LRPPRC: variants seen among roughly 807,000 people sequenced by gnomAD.
LRPPRC encodes leucine rich pentatricopeptide repeat containing.
LRPPRC carries 120 observed loss-of-function variants against 180.3 expected under a neutral mutation model. The observed-to-expected ratio is 0.67, with a 90% confidence interval of 0.57 to 0.77. The LOEUF (loss-of-function observed/expected upper bound fraction) is 0.77, where lower values mean the gene tolerates loss of function less well. Among genes scored for constraint, LRPPRC ranks in the 30% least tolerant of loss-of-function variants. The pLI is 0.00. For synonymous variants in LRPPRC, 723 were observed against 600.0 expected (o/e 1.21, Z -3.00); for missense variants, 2,012 against 1,657.2 (o/e 1.21, Z -3.72).
At chr2:43,937,023 A>G (rs1672301711) in intron 23 of LRPPRC, among the ~76,000 whole-genome samples, 1 of 152,162 alleles carries the variant, frequency 6.6e-6, no homozygotes, top group South Asian at 2.1e-4. Flanking sequence ...TTTAAGTGGC[A>G]TGATTTGCTT....
chr2:43,951,829 CTTTATTTA>C (rs72104348), intron 14 of LRPPRC, among the ~76,000 whole-genome samples: 18 of 151,802 alleles, frequency 1.2e-4, no homozygotes, highest in African/African-American at 3.9e-4. Flanking sequence ...GCTGGGCTTC[CTTTATTTA>C]TTTATTTTTA....
chr2:43,894,583 T>C lies in LRPPRC; in HGVS notation c.3947A>G (p.Glu1316Gly). The change falls in exon 36 of 38, where the codon GAA becomes GGA. Residue 1316 changes from glutamate (E) to glycine (G), a missense_variant. Glu to Gly is a moderately conservative substitution (Grantham distance 98, BLOSUM62 -2). Transcript: ENST00000260665. The stretch of plus-strand genomic sequence containing the variant: ...GAGGGAATTGTATGCTTCTTCCTTT[T>C]CATTTAATTCAGGAATCAATTCTAA... ...SVLELIPELN[E>G]KEEAYNSLMK... 6.4e-7 allele frequency: 1 copy of C among 1,573,220 alleles called. No homozygotes were observed. The highest frequency in any genetic ancestry group is 8.7e-7 in the Non-Finnish European group (1 of 1,143,054).
chr2:43,981,946 C>T (rs554722409), intron 2 of LRPPRC, among the ~76,000 whole-genome samples: 67 of 152,100 alleles, frequency 4.4e-4, no homozygotes, highest in African/African-American at 1.5e-3. Context: ...CTCTCTCTGT[C>T]GCCCAGGCTG....
intron 15 of LRPPRC, 147 bp from the exon 16 acceptor site, chr2:43,949,806 AAGG>A: frequency 1.5e-6 from 1 of 678,134 alleles, no homozygotes; most frequent in Non-Finnish European, 2.7e-6. Context: ...CCCACCCGCC[AAGG>A]AGATTGTTTT....
chr2:43,955,908 AAG>A (rs911917943), intron 14 of LRPPRC, among the ~76,000 whole-genome samples: 166 of 152,290 alleles, frequency 1.1e-3, no homozygotes, highest in African/African-American at 3.8e-3. Flanking sequence ...GGGCCTCTGC[AAG>A]AGAGATGTGC....
intron 1 of LRPPRC, among the ~76,000 whole-genome samples, chr2:43,984,685 G>A (rs528793283): frequency 8.5e-5 from 13 of 152,068 alleles, no homozygotes; most frequent in Non-Finnish European, 1.3e-4. Context: ...TGGGTATGTC[G>A]TCACAGAAAA....
chr2:43,955,435 C>A (rs569654177), intron 14 of LRPPRC, among the ~76,000 whole-genome samples: 2 of 144,916 alleles, frequency 1.4e-5, no homozygotes, highest in Non-Finnish European at 3.0e-5. Context: ...TACCACTGCA[C>A]TGCAGCCTGG....
chr2:43,996,028 G>A (rs1051423217), upstream of LRPPRC: 2 of 1,440,952 alleles, frequency 1.4e-6, no homozygotes, highest in Non-Finnish European at 1.9e-6. Context: ...GCCTGGCGCG[G>A]CAGAGACCAA....
chr2:43,929,536 T>G (rs1411862229), intron 25 of LRPPRC, among the ~76,000 whole-genome samples: 15 of 152,194 alleles, frequency 9.9e-5, no homozygotes. Context: ...TTTCAGTATT[T>G]CTAGGCTATG....
intron 21 of LRPPRC, 93 bp from the exon 22 acceptor site, chr2:43,945,510 C>G (rs969505641): frequency 3.7e-5 from 29 of 781,098 alleles, no homozygotes; most frequent in Non-Finnish European, 5.9e-5. Context: ...AAAAGCTCAT[C>G]AGAAGACCTG....
intron 1 of LRPPRC, among the ~76,000 whole-genome samples, chr2:43,991,508 C>T (rs1377650503): frequency 6.6e-6 from 1 of 152,152 alleles, no homozygotes; most frequent in Non-Finnish European, 1.5e-5. Context: ...GAGCTCAAAG[C>T]TTATCTTTCC....
Position 43,974,290 on chromosome 2 carries a change from T to A in LRPPRC, c.1015A>T (p.Met339Leu). ...GTGACTAAAAGTAAAATGAGGTTCA[T>A]TGCATCTGGGAAGAAAACAAAGACA... ...TCERRYIPDA[M>L]NLILLLVTEK... is the part of the protein sequence containing the mutation. Residue 339 changes from methionine (M) to leucine (L), a missense_variant, in exon 9 of 38, where the codon ATG (methionine) becomes TTG (leucine). Physicochemically the swap from Met to Leu is conservative, Grantham distance 15. Transcript: ENST00000260665. 6.2e-7 allele frequency: 1 copy of A among 1,610,714 alleles called. No individual in the cohort carries two copies. The highest frequency in any genetic ancestry group is 1.3e-5 in the African/African-American group (1 of 75,030).
At chr2:43,986,268 T>A (rs1674522526) in intron 1 of LRPPRC, among the ~76,000 whole-genome samples, 1 of 152,176 alleles carries the variant, frequency 6.6e-6, no homozygotes, top group African/African-American at 2.4e-5. Flanking sequence ...TAGCTGGGAT[T>A]ACAGGCACAC....
At chr2:43,960,427 C>T (rs1338877575) in intron 13 of LRPPRC, 114 bp downstream of exon 13, 1 of 734,826 alleles carries the variant, frequency 1.4e-6, no homozygotes. Flanking sequence ...ATCAGTCTGG[C>T]TTTAACAAAA....
rs762622072 is a variant in LRPPRC, at chr2:43,899,278, C to G, written c.3766G>C (p.Asp1256His). ...GCATCCACAAGTTGAAGGAAAAAAT[C>G]AGTGACAGGTTTATAAATTGCAAAC... ...NQFAIYKPVT[D>H]FFLQLVDAGK... Residue 1256 changes from aspartate to histidine, a missense_variant, in exon 34 of 38, where the codon GAT becomes CAT. Transcript: ENST00000260665. 6.2e-7 allele frequency: 1 copy of G among 1,614,162 alleles called. No homozygotes were observed. Among genetic ancestry groups the G allele is most frequent in the Non-Finnish European group, 8.5e-7 (1 of 1,180,014 alleles).
chr2:43,980,007 T>C (rs984672239), intron 2 of LRPPRC, 59 bp from the exon 3 acceptor site: 2 of 1,516,830 alleles, frequency 1.3e-6, no homozygotes, highest in Non-Finnish European at 1.8e-6. Flanking sequence ...CATAGATAAA[T>C]ATCAAAATTT....
intron 22 of LRPPRC, among the ~76,000 whole-genome samples, chr2:43,944,947 G>A (rs1480797610): frequency 6.6e-6 from 1 of 152,040 alleles, no homozygotes; most frequent in African/African-American, 2.4e-5. Flanking sequence ...CATATATTAG[G>A]TTATGTTTAT....
rs187155698 is a variant in LRPPRC, at chr2:43,930,197, C to T, written c.2736+3993G>A. On this transcript the variant is annotated intron_variant, in intron 25 of 37. Coordinates refer to ENST00000260665, the MANE Select transcript of LRPPRC (RefSeq NM_133259.4). Reference sequence around the variant, plus strand: ...ACTGAGAAGAGATCAAAATGTACTCCGGCTGCACCGTGATGGAAAGGCAAA... The same window carrying T: ...ACTGAGAAGAGATCAAAATGTACTCTGGCTGCACCGTGATGGAAAGGCAAA... Among the ~76,000 whole-genome samples the T allele has an allele frequency of 1.7e-4, 25 of 151,470 alleles. No individual in the cohort carries two copies. In the East Asian group the frequency reaches 3.5e-3, roughly 21 times the overall value.
intron 3 of LRPPRC, 127 bp from the exon 4 acceptor site, chr2:43,977,403 G>T: frequency 1.4e-6 from 1 of 713,590 alleles, no homozygotes; most frequent in Non-Finnish European, 2.4e-6. Context: ...CCATCTTGGC[G>T]CTCAGACCTA....
Sources: gnomAD v4.1 joint callset for allele counts (sites outside exome capture counted in the v4.1 genomes callset) on GRCh38, gnomAD v4.1.1 for gene constraint, MANE v1.5 for transcripts, NCBI Gene and HGNC (gene_info 2026-07-23, HGNC 2026-07-21) for gene names.